AGO2: variants seen among roughly 807,000 people sequenced by gnomAD.
AGO2 encodes the protein argonaute RISC catalytic component 2.
Under a neutral mutation model 102.3 loss-of-function variants are expected in AGO2, and 5 were observed. That is an observed-to-expected ratio of 0.05 (90% CI 0.03 to 0.10). The LOEUF is 0.10. Ranked by LOEUF, AGO2 falls within the 10% of genes least tolerant of loss-of-function variation. The pLI is 1.00. For missense variants in AGO2, 541 were observed against 1,183.7 expected (o/e 0.46, Z 7.97); for synonymous variants, 449 against 473.1 (o/e 0.95, Z 0.66).
chr8:140,570,938 TA>T (rs2073368841), intron 3 of AGO2, among the ~76,000 whole-genome samples: 1 of 152,206 alleles, frequency 6.6e-6, no homozygotes, highest in Non-Finnish European at 1.5e-5. Context: ...TGTGTAAATA[TA>T]AACATATACA....
chr8:140,530,943 G>A lies in AGO2; in HGVS notation c.*1101C>T, dbSNP rs3735798. 0.083 allele frequency: 12,656 copies of A among 152,304 alleles called. 628 individuals carry two copies. Among genetic ancestry groups the A allele is most frequent in the African/African-American group, 0.14 (5,850 of 41,524 alleles). 9.4% of individuals were successfully genotyped at this position (152,304 alleles called of 1,614,324 possible). On this transcript the variant is annotated 3_prime_UTR_variant, in exon 19 of 19. Transcript: ENST00000220592. ...CGGCAGGGAGGGTGGCGAGCGGCGC[G>A]GAGGGCACATCCGTCCCTCCCATGG...
intron 1 of AGO2, chr8:140,626,830 T>G (rs1037679919): frequency 1.3e-5 from 2 of 152,246 alleles, no homozygotes; most frequent in Admixed American, 6.5e-5. Flanking sequence ...GTTACTCTAT[T>G]AATTCCTTTG....
chr8:140,619,020 G>A (rs76735058), intron 1 of AGO2, among the ~76,000 whole-genome samples: 4,683 of 152,030 alleles, frequency 0.031, 177 homozygotes, highest in East Asian at 0.086. Context: ...ACCCCACGGC[G>A]GCATGATGGG....
chr8:140,549,332 T>C, intron 11 of AGO2, 34 bp from the exon 12 acceptor site: 1 of 1,548,342 alleles, frequency 6.5e-7, no homozygotes. Flanking sequence ...TACCGGGCAC[T>C]GGGAATGGCA....
intron 1 of AGO2, among the ~76,000 whole-genome samples, chr8:140,614,541 A>G (rs1051528987): frequency 6.6e-6 from 1 of 152,214 alleles, no homozygotes; most frequent in Non-Finnish European, 1.5e-5. Context: ...ATTATGGCAA[A>G]GGAATGCAAG....
At chr8:140,598,664 G>T (rs755088560) in intron 1 of AGO2, among the ~76,000 whole-genome samples, 4 of 152,188 alleles carry the variant, frequency 2.6e-5, no homozygotes. Flanking sequence ...CGTGCTGGCT[G>T]CTCTCCATCT....
chr8:140,601,612 C>G (rs1183096333), intron 1 of AGO2, among the ~76,000 whole-genome samples: 2 of 152,226 alleles, frequency 1.3e-5, no homozygotes, highest in Non-Finnish European at 2.9e-5. Context: ...TCTGCCCCAG[C>G]CTGGTTGCTT....
At chr8:140,612,697 A>G (rs2074097066) in intron 1 of AGO2, among the ~76,000 whole-genome samples, 1 of 151,996 alleles carries the variant, frequency 6.6e-6, no homozygotes, top group South Asian at 2.1e-4. Flanking sequence ...GGTTGCAGTG[A>G]GCCGAGACTG....
intron 13 of AGO2, among the ~76,000 whole-genome samples, chr8:140,546,697 C>G (rs1316303397): frequency 6.6e-6 from 1 of 152,264 alleles, no homozygotes; most frequent in African/African-American, 2.4e-5. Flanking sequence ...CCAGTTCCCT[C>G]CTGCCCAAAC....
intron 12 of AGO2, 32 bp downstream of exon 12, chr8:140,549,082 T>A: frequency 1.3e-6 from 2 of 1,568,684 alleles, no homozygotes; most frequent in South Asian, 1.1e-5. Context: ...CCACGACGGC[T>A]CCCCACAGCC....
At chr8:140,595,353 T>C (rs1205836697) in intron 1 of AGO2, among the ~76,000 whole-genome samples, 1 of 152,132 alleles carries the variant, frequency 6.6e-6, no homozygotes, top group African/African-American at 2.4e-5. Context: ...AAGGGAAAAC[T>C]TAAGGAAGAA....
chr8:140,625,386 G>A (rs948757008), intron 1 of AGO2, among the ~76,000 whole-genome samples: 15 of 152,250 alleles, frequency 9.9e-5, no homozygotes, highest in African/African-American at 1.9e-4. Context: ...GATTTCAGGC[G>A]TGAGCCACTG....
At chr8:140,573,989 T>C (rs1048216051) in intron 2 of AGO2, among the ~76,000 whole-genome samples, 3 of 152,114 alleles carry the variant, frequency 2.0e-5, no homozygotes, top group Non-Finnish European at 4.4e-5. Context: ...TGCAGAGCCA[T>C]GGTATGAGAC....
intron 16 of AGO2, among the ~76,000 whole-genome samples, chr8:140,536,578 G>A (rs1484203447): frequency 2.0e-5 from 3 of 152,232 alleles, no homozygotes. Context: ...GCCTGCCTCG[G>A]CCTCCCAAAG....
chr8:140,608,796 C>A (rs2074038658), intron 1 of AGO2, among the ~76,000 whole-genome samples: 1 of 152,234 alleles, frequency 6.6e-6, no homozygotes, highest in Non-Finnish European at 1.5e-5. Flanking sequence ...TACTTTCCAG[C>A]TGCTCCAGGG....
intron 1 of AGO2, among the ~76,000 whole-genome samples, chr8:140,610,770 C>A (rs1014926341): frequency 6.6e-6 from 1 of 152,162 alleles, no homozygotes; most frequent in African/African-American, 2.4e-5. Context: ...CATGGCCAAC[C>A]CCCCCATATG....
At position 140,539,573 on chromosome 8, in the gene AGO2, T is replaced by A; in HGVS notation, c.2035-119A>T. 1 of 1,250,490 alleles carries A rather than the reference T, an allele frequency of 8.0e-7. No individual in the cohort carries two copies. Among genetic ancestry groups the A allele is most frequent in the Non-Finnish European group, 1.1e-6 (1 of 900,444 alleles). The allele number at this position is 1,250,490 out of a possible 1,614,324, so 77.5% of individuals were successfully genotyped here. On this transcript the variant is annotated intron_variant, in intron 15 of 18. Coordinates refer to ENST00000220592, the MANE Select transcript of AGO2 (RefSeq NM_012154.5). The surrounding 1 kb of genome is among the most constrained non-coding windows in gnomAD (Gnocchi z 4.7). ...CGTGGTGATTCTGAGAGACAATGAG[T>A]GTGTTCACGGGGAGGTGAAAACACG...
At chr8:140,552,740 G>GCGCGCA (rs111262864) in intron 10 of AGO2, among the ~76,000 whole-genome samples, 145 of 130,960 alleles carry the variant, frequency 1.1e-3, no homozygotes, top group African/African-American at 3.6e-3. Context: ...GCGCGCGCGC[G>GCGCGCA]CACACACACA....
Position 140,527,327 on chromosome 8 carries a change from C to T in AGO2, c.*4717G>A, listed in dbSNP as rs145874185. On this transcript the variant is annotated 3_prime_UTR_variant, in exon 19 of 19. Coordinates refer to ENST00000220592, the MANE Select transcript of AGO2 (RefSeq NM_012154.5). The surrounding 1 kb of genome is among the most constrained non-coding windows in gnomAD (Gnocchi z 6.0). ...CAACTTTAACACATAATACTGAATACGAGGCAGTGTCTCCACAACAGAGCC... is the reference window on the plus strand; with the variant it reads ...CAACTTTAACACATAATACTGAATATGAGGCAGTGTCTCCACAACAGAGCC... 2 of 152,386 alleles carry T rather than the reference C, an allele frequency of 1.3e-5. No homozygotes were observed. The highest frequency in any genetic ancestry group is 4.8e-5 in the African/African-American group (2 of 41,542). The allele number at this position is 152,386 out of a possible 1,614,324, so 9.4% of individuals were successfully genotyped here.
Sources: gnomAD v4.1 joint callset for allele counts (sites outside exome capture counted in the v4.1 genomes callset) on GRCh38, gnomAD v4.1.1 for gene constraint, Gnocchi (gnomAD v3.1) non-coding constraint, MANE v1.5 for transcripts, NCBI Gene and HGNC (gene_info 2026-07-23, HGNC 2026-07-21) for gene names.